The following ANXA4 variants were observed in gnomAD, a reference collection of about 807,000 sequenced individuals.
The protein encoded by ANXA4 is 35-beta calcimedin.
In ANXA4, 39 loss-of-function variants were observed where a neutral mutation model predicts 49.8. The observed-to-expected ratio is 0.78, with a 90% CI of 0.61 to 1.02. The LOEUF is 1.02. Ranked by LOEUF, ANXA4 falls within the 50% of genes least tolerant of loss-of-function variation. The pLI, the probability that ANXA4 is intolerant of heterozygous loss-of-function variation, is 0.00. For synonymous variants in ANXA4, 134 were observed against 152.5 expected (o/e 0.88, Z 0.89); for missense variants, 360 against 410.1 (o/e 0.88, Z 1.05).
At chr2:69,703,502 C>T (rs1168578346) in intron 2 of ANXA4, among the ~76,000 whole-genome samples, 1 of 152,182 alleles carries the variant, frequency 6.6e-6, no homozygotes, top group Non-Finnish European at 1.5e-5. Context: ...AACATAGAAT[C>T]ACAATATGTG....
At chr2:69,678,686 C>G (rs556000942) in intron 2 of ANXA4, among the ~76,000 whole-genome samples, 9 of 152,084 alleles carry the variant, frequency 5.9e-5, no homozygotes, top group Non-Finnish European at 1.2e-4. Flanking sequence ...CATGAGCCAC[C>G]GTGCCCAGCC....
rs115082371 is a variant in ANXA4, at chr2:69,645,065, A to G, written n.481+160A>G. 1.8e-3 allele frequency among the ~76,000 whole-genome samples: 277 copies of G among 151,394 alleles called. 2 individuals are homozygous for G. The highest frequency in any genetic ancestry group is 6.5e-3 in the African/African-American group (268 of 41,154). On this transcript the variant is annotated intron_variant and non_coding_transcript_variant, in intron 1 of 3. Coordinates refer to the ANXA4 transcript ENST00000418066. The stretch of plus-strand genomic sequence containing the variant: ...TTGTTCATCTCTGCCCGCTTTCCCC[A>G]CTCCCTAGTGCTTGTCTCAGAATTT...
At chr2:69,701,546 T>C (rs1413406931) in intron 2 of ANXA4, among the ~76,000 whole-genome samples, 1 of 152,208 alleles carries the variant, frequency 6.6e-6, no homozygotes, top group Non-Finnish European at 1.5e-5. Flanking sequence ...AATTCCTTCC[T>C]TTTAAGGCTG....
At chr2:69,727,039 C>T (rs1003018884) in intron 3 of ANXA4, among the ~76,000 whole-genome samples, 9 of 152,114 alleles carry the variant, frequency 5.9e-5, no homozygotes, top group Admixed American at 4.6e-4. Flanking sequence ...TGCACCACCA[C>T]GCACAGCTAA....
Position 69,762,446 on chromosome 2 carries a change from T to G in ANXA4, c.-46-19074T>G, listed in dbSNP as rs186959126. Among the ~76,000 whole-genome samples, 487 of 152,136 alleles carry G rather than the reference T, an allele frequency of 3.2e-3. 6 individuals are homozygous for G. Among genetic ancestry groups the G allele is most frequent in the African/African-American group, 0.011 (461 of 41,482 alleles). Reference sequence around the variant, plus strand: ...CACTTTAGTGCCACCACGTGCACCTTTCTGTGTTAGCATCAGCTTTACAGC... The same window carrying G: ...CACTTTAGTGCCACCACGTGCACCTGTCTGTGTTAGCATCAGCTTTACAGC... On this transcript the variant is annotated intron_variant, in intron 1 of 12. Transcript: ENST00000394295.
intron 2 of ANXA4, among the ~76,000 whole-genome samples, chr2:69,673,042 TAAG>T (rs1677248345): frequency 6.6e-6 from 1 of 151,986 alleles, no homozygotes; most frequent in South Asian, 2.1e-4. Flanking sequence ...TGTGGAGAAA[TAAG>T]AACACTTTTA....
Position 69,705,910 on chromosome 2 carries a change from T to G in ANXA4, n.767-14864T>G, listed in dbSNP as rs139657623. Among the ~76,000 whole-genome samples the G allele has an allele frequency of 9.1e-3, 1,382 of 152,256 alleles. 22 individuals are homozygous for G. Among genetic ancestry groups the G allele is most frequent in the East Asian group, 0.074 (382 of 5,188 alleles). On this transcript the variant is annotated intron_variant and non_coding_transcript_variant, in intron 2 of 3. Transcript: ENST00000418066. ...TCATGCCACTGGACTCCAGCCTAGG[T>G]AACAGAGCAAGACTTTGTCTCAAAA...
intron 2 of ANXA4, among the ~76,000 whole-genome samples, chr2:69,653,581 A>G (rs755081092): frequency 2.0e-5 from 3 of 152,174 alleles, no homozygotes; most frequent in Non-Finnish European, 4.4e-5. Context: ...TAGCCTAGCA[A>G]TTACCCCTGG....
chr2:69,820,069 A>G (rs1237562107), intron 11 of ANXA4, among the ~76,000 whole-genome samples: 1 of 143,588 alleles, frequency 7.0e-6, no homozygotes, highest in East Asian at 2.0e-4. Flanking sequence ...CTCTGTCTCA[A>G]AAAAGAAAAA....
chr2:69,825,742 T>C lies in ANXA4; in HGVS notation c.*227T>C. 1 of 381,538 alleles carries C rather than the reference T, an allele frequency of 2.6e-6. No homozygotes were observed. The highest frequency in any genetic ancestry group is 4.6e-6 in the Non-Finnish European group (1 of 215,510). The allele number at this position is 381,538 out of a possible 1,614,324, so 23.6% of individuals were successfully genotyped here. On this transcript the variant is annotated 3_prime_UTR_variant, in exon 13 of 13. Coordinates refer to ENST00000394295, the MANE Select transcript of ANXA4 (RefSeq NM_001153.5). ...AAAGCTTATAAGATATAAATGGAGATTTTAAAGTAGAAATAAATATGTATT... is the reference window on the plus strand; with the variant it reads ...AAAGCTTATAAGATATAAATGGAGACTTTAAAGTAGAAATAAATATGTATT...
Position 69,732,959 on chromosome 2 carries a change from A to G in ANXA4, n.864+12088A>G, listed in dbSNP as rs183980257. Among the ~76,000 whole-genome samples the G allele has an allele frequency of 3.4e-4, 52 of 152,310 alleles. 1 individual carries two copies. Among genetic ancestry groups the G allele is most frequent in the African/African-American group, 1.2e-3 (49 of 41,546 alleles). On this transcript the variant is annotated intron_variant and non_coding_transcript_variant, in intron 3 of 3. Coordinates refer to the ANXA4 transcript ENST00000418066. ...TGTGACTTTCTTAAGGTCACCAGTT[A>G]GGAAATGGTAAAGTTGAGATTCAAA...
At chr2:69,680,668 G>A (rs973573913) in intron 2 of ANXA4, among the ~76,000 whole-genome samples, 5 of 152,214 alleles carry the variant, frequency 3.3e-5, no homozygotes, top group African/African-American at 1.2e-4. Flanking sequence ...GTATGTTGAG[G>A]TATGTTCCTT....
In ANXA4 at chr2:69,656,399, A is replaced by G. The variant is rs77109917; in HGVS notation, n.766+3117A>G. On this transcript the variant is annotated intron_variant and non_coding_transcript_variant, in intron 2 of 3. Coordinates refer to the ANXA4 transcript ENST00000418066. ...TATGTGTATATATATGTGTATATAT[A>G]TGTATATATATGTATATATATATGT... Among the ~76,000 whole-genome samples, 498 of 87,546 alleles carry G rather than the reference A, an allele frequency of 5.7e-3. 11 individuals carry two copies. Among genetic ancestry groups the G allele is most frequent in the African/African-American group, 8.5e-3 (274 of 32,418 alleles). The allele number at this position is 87,546 out of a possible 152,430, so 57.4% of individuals were successfully genotyped here. A position where few individuals can be genotyped will look rare whatever the true frequency, so the allele number is the denominator to read the frequency against.
At chr2:69,656,252 T>C (rs1480808971) in intron 2 of ANXA4, among the ~76,000 whole-genome samples, 2 of 85,478 alleles carry the variant, frequency 2.3e-5, no homozygotes. Context: ...TATATATATG[T>C]ATATACGTAT....
At chr2:69,812,244 C>G (rs762347017) in intron 7 of ANXA4, among the ~76,000 whole-genome samples, 1 of 151,938 alleles carries the variant, frequency 6.6e-6, no homozygotes, top group Non-Finnish European at 1.5e-5. Context: ...ACCTCAGCCT[C>G]GAGTAGCTGG....
intron 7 of ANXA4, chr2:69,811,017 AT>A (rs1673684882): frequency 1.0e-5 from 2 of 197,536 alleles, no homozygotes; most frequent in Admixed American, 1.1e-4. Flanking sequence ...GCTAGAAGGC[AT>A]GAAAAGATTA....
At chr2:69,684,707 A>G (rs985514054) in intron 2 of ANXA4, among the ~76,000 whole-genome samples, 1 of 151,340 alleles carries the variant, frequency 6.6e-6, no homozygotes, top group African/African-American at 2.4e-5. Flanking sequence ...AAAAAGAAAG[A>G]AAGAGAAAAA....
intron 1 of ANXA4, among the ~76,000 whole-genome samples, chr2:69,758,342 C>T (rs1016410653): frequency 3.3e-5 from 5 of 152,208 alleles, no homozygotes; most frequent in Non-Finnish European, 7.3e-5. Flanking sequence ...GGAGACCAAG[C>T]ACAGAGGCTT....
intron 2 of ANXA4, among the ~76,000 whole-genome samples, chr2:69,783,139 A>G (rs891398016): frequency 1.3e-5 from 2 of 152,128 alleles, no homozygotes; most frequent in African/African-American, 4.8e-5. Flanking sequence ...AGATAATGTA[A>G]TGTTTATATT....
Sources: gnomAD v4.1 joint callset for allele counts (sites outside exome capture counted in the v4.1 genomes callset) on GRCh38, gnomAD v4.1.1 for gene constraint, MANE v1.5 for transcripts, NCBI Gene and HGNC (gene_info 2026-07-23, HGNC 2026-07-21) for gene names.